CTNNA3: variants seen among roughly 807,000 people sequenced by gnomAD.
CTNNA3 encodes catenin alpha-3.
A neutral mutation model predicts 95.7 loss-of-function variants in CTNNA3; 76 were observed. The ratio of observed to expected loss-of-function variants is 0.79; its 90% CI spans 0.66 to 0.96. The LOEUF (loss-of-function observed/expected upper bound fraction) is 0.96. Ranked by LOEUF, CTNNA3 falls within the 40% of genes least tolerant of loss-of-function variation. The pLI is 0.00. For synonymous variants in CTNNA3, 431 were observed against 374.4 expected (o/e 1.15, Z -1.74); for missense variants, 1,191 against 1,089.8 (o/e 1.09, Z -1.31).
intron 5 of CTNNA3, among the ~76,000 whole-genome samples, chr10:67,352,518 T>C (rs747279909): frequency 2.0e-5 from 3 of 151,654 alleles, no homozygotes; most frequent in African/African-American, 7.3e-5. Flanking sequence ...GATCCCTTTA[T>C]GCAAAAGAAT....
At chr10:66,367,938 C>A (rs1421683828) in intron 12 of CTNNA3, among the ~76,000 whole-genome samples, 1 of 143,234 alleles carries the variant, frequency 7.0e-6, no homozygotes, top group Non-Finnish European at 1.5e-5. Flanking sequence ...TTTCTGGGAG[C>A]CCGCTGACTT....
chr10:66,926,739 T>G, intron 7 of CTNNA3: 1 of 1,061,094 alleles, frequency 9.4e-7, no homozygotes, highest in Non-Finnish European at 1.4e-6. Context: ...TTTCCTTGTT[T>G]AACTATTTAA....
chr10:67,282,414 A>T (rs940915215), intron 5 of CTNNA3, among the ~76,000 whole-genome samples: 1 of 152,200 alleles, frequency 6.6e-6, no homozygotes, highest in Non-Finnish European at 1.5e-5. Flanking sequence ...TGCAATTCAT[A>T]GGAAAAGGCT....
At chr10:66,043,988 G>C (rs866937343) in intron 15 of CTNNA3, among the ~76,000 whole-genome samples, 12 of 143,190 alleles carry the variant, frequency 8.4e-5, no homozygotes, top group Admixed American at 7.8e-4. Flanking sequence ...GTGTGTGTGT[G>C]TGTGTGTTTG....
chr10:67,702,325 T>G (rs1841046143), intron 1 of CTNNA3, among the ~76,000 whole-genome samples: 2 of 152,080 alleles, frequency 1.3e-5, no homozygotes, highest in South Asian at 4.1e-4. Context: ...GAATATACAT[T>G]TTTTTCAGCA....
chr10:66,844,145 A>T (rs1174433729), intron 7 of CTNNA3, among the ~76,000 whole-genome samples: 1 of 152,236 alleles, frequency 6.6e-6, no homozygotes, highest in Non-Finnish European at 1.5e-5. Context: ...TCTTCTAAAT[A>T]AGAATTTACT....
intron 11 of CTNNA3, among the ~76,000 whole-genome samples, chr10:66,441,853 G>C (rs1172058333): frequency 1.3e-5 from 2 of 152,174 alleles, no homozygotes; most frequent in Non-Finnish European, 2.9e-5. Flanking sequence ...CTAGACTTCT[G>C]ATTTCTGGAG....
chr10:66,338,456 C>G (rs2092419918), intron 12 of CTNNA3, among the ~76,000 whole-genome samples: 1 of 152,010 alleles, frequency 6.6e-6, no homozygotes. Flanking sequence ...GAATAAGCCT[C>G]AAAAAGTGCT....
intron 13 of CTNNA3, among the ~76,000 whole-genome samples, chr10:66,141,102 A>G (rs1239264278): frequency 6.6e-6 from 1 of 151,926 alleles, no homozygotes; most frequent in Non-Finnish European, 1.5e-5. Context: ...CTACTAAAAA[A>G]ACAAAAATTA....
In CTNNA3 at chr10:66,029,153, G is replaced by A. The variant is rs144820625; in HGVS notation, c.2159+40155C>T. Among the ~76,000 whole-genome samples, 1,433 of 152,240 alleles carry A rather than the reference G, an allele frequency of 9.4e-3. 18 individuals carry two copies. The highest frequency in any genetic ancestry group is 0.032 in the African/African-American group (1,341 of 41,550). On this transcript the variant is annotated intron_variant, in intron 15 of 17. Coordinates refer to ENST00000433211, the MANE Select transcript of CTNNA3 (RefSeq NM_013266.4). ...TTGAAGGACACATCACAATTTTCCT[G>A]CATTCTTACATAGCTTCTAATTGGC...
chr10:66,354,602 G>T (rs72802875), intron 12 of CTNNA3, among the ~76,000 whole-genome samples: 2 of 151,974 alleles, frequency 1.3e-5, no homozygotes, highest in African/African-American at 4.8e-5. Flanking sequence ...TAAGTGGATC[G>T]TTGAAAATGC....
chr10:67,200,012 T>G (rs1863569051), intron 6 of CTNNA3, among the ~76,000 whole-genome samples: 1 of 152,128 alleles, frequency 6.6e-6, no homozygotes, highest in African/African-American at 2.4e-5. Flanking sequence ...CCCCTTTTCT[T>G]TGCAGACAGG....
intron 7 of CTNNA3, among the ~76,000 whole-genome samples, chr10:66,856,437 A>G (rs1203825710): frequency 6.6e-6 from 1 of 152,034 alleles, no homozygotes; most frequent in East Asian, 1.9e-4. Context: ...CAATAATGAG[A>G]TTGTTGGATT....
intron 5 of CTNNA3, among the ~76,000 whole-genome samples, chr10:67,502,235 C>A (rs1839255907): frequency 1.3e-5 from 2 of 152,192 alleles, no homozygotes; most frequent in African/African-American, 4.8e-5. Context: ...CCCTCTCCTG[C>A]AGTGCTTCTG....
rs529801528 is a variant in CTNNA3 at position 66,851,398 on chromosome 10, T to C, written c.1048-75874A>G. 4.6e-5 allele frequency among the ~76,000 whole-genome samples: 7 copies of C among 152,210 alleles called. No individual in the cohort carries two copies. The East Asian group carries it at 7.7e-4, about 17-fold the overall frequency. On this transcript the variant is annotated intron_variant, in intron 7 of 17. Coordinates refer to ENST00000433211, the MANE Select transcript of CTNNA3 (RefSeq NM_013266.4). ...ACCTGAAAAACGCTGTTTTTTAAAA[T>C]TGTCAAGTGATATAGATAGATATTT...
chr10:67,278,409 T>C lies in CTNNA3; in HGVS notation c.580-58539A>G, dbSNP rs904654903. Among the ~76,000 whole-genome samples the C allele has an allele frequency of 5.9e-5, 9 of 152,150 alleles. No individual in the cohort carries two copies. The East Asian group carries it at 1.4e-3, about 23-fold the overall frequency. On this transcript the variant is annotated intron_variant, in intron 5 of 17. Transcript: ENST00000433211. ...CAATCAAATACATTTAAGAAACACA[T>C]TGGTTTGGTTCAGAAAGGCGGGACA...
chr10:67,746,880 G>A (rs1019532214), intron 1 of CTNNA3, among the ~76,000 whole-genome samples: 1 of 152,214 alleles, frequency 6.6e-6, no homozygotes, highest in Admixed American at 6.5e-5. Context: ...GTGGGGGCAG[G>A]AGCCAGCGGG....
chr10:67,309,962 A>ATAGATGTT (rs371905781), intron 5 of CTNNA3, among the ~76,000 whole-genome samples: 8 of 152,286 alleles, frequency 5.3e-5, no homozygotes, highest in African/African-American at 1.9e-4. Context: ...GAGCAACTAA[A>ATAGATGTT]TAGATGTTTC....
chr10:66,381,745 T>C (rs2092840360), intron 11 of CTNNA3, among the ~76,000 whole-genome samples: 1 of 152,208 alleles, frequency 6.6e-6, no homozygotes, highest in Non-Finnish European at 1.5e-5. Context: ...TAACTAGGGC[T>C]TTAACCTAAT....
Sources: gnomAD v4.1 joint callset for allele counts (sites outside exome capture counted in the v4.1 genomes callset) on GRCh38, gnomAD v4.1.1 for gene constraint, MANE v1.5 for transcripts, NCBI Gene and HGNC (gene_info 2026-07-23, HGNC 2026-07-21) for gene names.